CNTNAP2: variants seen among roughly 807,000 people sequenced by gnomAD.
CNTNAP2 encodes the protein contactin-associated protein-like 2.
A neutral mutation model predicts 155.2 loss-of-function variants in CNTNAP2; 98 were observed. The ratio of observed to expected loss-of-function variants is 0.63; its 90% confidence interval spans 0.54 to 0.75. The LOEUF is 0.75. Among genes scored for constraint, CNTNAP2 ranks in the 30% least tolerant of loss-of-function variants. The probability of loss-of-function intolerance (pLI) is 0.00; values close to 1 mark genes in which losing one functional copy is unlikely to be tolerated. For synonymous variants in CNTNAP2, 651 were observed against 631.2 expected, an observed-to-expected ratio of 1.03 and a Z score of -0.47; for missense variants, 1,727 against 1,688.1, an observed-to-expected ratio of 1.02 and a Z score of -0.40.
intron 3 of CNTNAP2, among the ~76,000 whole-genome samples, chr7:146,847,054 T>A (rs1191287925): frequency 6.6e-6 from 1 of 152,170 alleles, no homozygotes; most frequent in Admixed American, 6.5e-5. Context: ...TTGAACTCAA[T>A]GCTAATTTTT....
chr7:146,358,295 A>G (rs935723388), intron 1 of CNTNAP2, among the ~76,000 whole-genome samples: 1 of 152,042 alleles, frequency 6.6e-6, no homozygotes, highest in Non-Finnish European at 1.5e-5. Context: ...CAGCCTCCCA[A>G]AGTGCTGGGA....
intron 1 of CNTNAP2, among the ~76,000 whole-genome samples, chr7:146,383,359 A>C (rs1795417193): frequency 6.6e-6 from 1 of 152,196 alleles, no homozygotes; most frequent in Admixed American, 6.5e-5. Flanking sequence ...ACTGTATATC[A>C]CTTCACAAGC....
At chr7:146,514,092 C>A (rs1231602068) in intron 1 of CNTNAP2, among the ~76,000 whole-genome samples, 1 of 151,916 alleles carries the variant, frequency 6.6e-6, no homozygotes, top group East Asian at 1.9e-4. Flanking sequence ...ACTGAGAAAT[C>A]TGTTTTCAGA....
At position 148,308,742 on chromosome 7, in the gene CNTNAP2, A is replaced by G. The variant is rs967047784; in HGVS notation, c.3475+41616A>G. ...CCTCCCCTAGCCCTCCCACCCCCCA[A>G]TAGGCCCCGGTGTGTGATGTCCCCC... On this transcript the variant is annotated intron_variant, in intron 21 of 23. Transcript: ENST00000361727. 4.7e-5 allele frequency among the ~76,000 whole-genome samples: 7 copies of G among 147,556 alleles called. 1 individual carries two copies. Among genetic ancestry groups the G allele is most frequent in the Admixed American group, 1.4e-4 (2 of 14,802 alleles).
At chr7:147,206,156 C>G (rs538866370) in intron 8 of CNTNAP2, among the ~76,000 whole-genome samples, 18 of 151,940 alleles carry the variant, frequency 1.2e-4, no homozygotes, top group African/African-American at 4.1e-4. Context: ...AACTTCTTCT[C>G]AACTCATGCT....
At chr7:148,010,891 A>C (rs1802069518) in intron 15 of CNTNAP2, among the ~76,000 whole-genome samples, 1 of 152,070 alleles carries the variant, frequency 6.6e-6, no homozygotes, top group African/African-American at 2.4e-5. Flanking sequence ...TGTGCTAGTG[A>C]TACATCTTCA....
chr7:147,630,746 GAAAAAGCATTTGAC>G (rs1320021540), intron 12 of CNTNAP2, among the ~76,000 whole-genome samples: 1 of 152,136 alleles, frequency 6.6e-6, no homozygotes, highest in East Asian at 1.9e-4. Context: ...AATAGATGCA[GAAAAAGCATTTGAC>G]AAAGTCCAGC....
At chr7:147,281,806 T>C (rs1376695831) in intron 8 of CNTNAP2, among the ~76,000 whole-genome samples, 7 of 151,898 alleles carry the variant, frequency 4.6e-5, no homozygotes, top group Non-Finnish European at 2.9e-5. Flanking sequence ...CCTGATTCTT[T>C]AGATAATTGT....
At chr7:146,192,161 G>A (rs973353591) in intron 1 of CNTNAP2, among the ~76,000 whole-genome samples, 20 of 152,130 alleles carry the variant, frequency 1.3e-4, no homozygotes, top group Non-Finnish European at 2.2e-4. Flanking sequence ...GCTTCAGCCG[G>A]TCCCTCCGTT....
intron 10 of CNTNAP2, among the ~76,000 whole-genome samples, chr7:147,397,061 G>GT (rs1232392891): frequency 6.6e-6 from 1 of 151,978 alleles, no homozygotes; most frequent in Admixed American, 6.6e-5. Flanking sequence ...CGTGTGAATG[G>GT]TAAGTTACAG....
At chr7:148,144,528 C>A (rs1357687304) in intron 16 of CNTNAP2, among the ~76,000 whole-genome samples, 2 of 152,172 alleles carry the variant, frequency 1.3e-5, no homozygotes, top group Non-Finnish European at 2.9e-5. Flanking sequence ...CATCATCAGA[C>A]TGTGGCCATG....
intron 8 of CNTNAP2, among the ~76,000 whole-genome samples, chr7:147,213,569 CG>C (rs1803202480): frequency 7.0e-6 from 1 of 142,852 alleles, no homozygotes. Flanking sequence ...ATGCCCTCAT[CG>C]CAAAAAAAAA....
intron 4 of CNTNAP2, among the ~76,000 whole-genome samples, chr7:147,047,234 G>A (rs1412261353): frequency 1.4e-5 from 2 of 141,928 alleles, no homozygotes; most frequent in East Asian, 2.3e-4. Flanking sequence ...TCAGCCTCCC[G>A]AGTAGCTGGG....
chr7:146,884,502 A>T (rs553948116), intron 3 of CNTNAP2, among the ~76,000 whole-genome samples: 1 of 152,206 alleles, frequency 6.6e-6, no homozygotes, highest in African/African-American at 2.4e-5. Flanking sequence ...ACTGAGTGAG[A>T]TGTTTCCTAC....
At position 146,995,932 on chromosome 7, in the gene CNTNAP2, TAAAACAAAAC is replaced by T. The variant is rs538148386; in HGVS notation, c.403-47956_403-47947del. On this transcript the variant is annotated intron_variant, in intron 3 of 23. Coordinates refer to ENST00000361727, the MANE Select transcript of CNTNAP2 (RefSeq NM_014141.6). ...TTGTCTGTGTTTTTGGAGGCATATT[TAAAACAAAAC>T]AAAACAAAACAAAACAAACCTTGCC... is the stretch of plus-strand genomic sequence containing the variant. 5.9e-5 allele frequency among the ~76,000 whole-genome samples: 9 copies of T among 152,188 alleles called. No individual in the cohort carries two copies. In the East Asian group the frequency reaches 1.2e-3, roughly 20 times the overall value.
chr7:148,334,399 A>T (rs1334504511), intron 21 of CNTNAP2, among the ~76,000 whole-genome samples: 1 of 152,190 alleles, frequency 6.6e-6, no homozygotes, highest in Non-Finnish European at 1.5e-5. Flanking sequence ...AGTGATTAAG[A>T]CTTTGGAAAA....
intron 23 of CNTNAP2, 68 bp downstream of exon 23, chr7:148,409,539 A>G: frequency 7.2e-7 from 1 of 1,395,430 alleles, no homozygotes; most frequent in East Asian, 2.3e-5. Flanking sequence ...TGTCAATAAC[A>G]TAGTAGTCTA....
intron 1 of CNTNAP2, among the ~76,000 whole-genome samples, chr7:146,240,257 G>T (rs934207120): frequency 1.3e-5 from 2 of 152,014 alleles, no homozygotes; most frequent in Admixed American, 1.3e-4. Context: ...ACTTATAGTA[G>T]AATTTTATCT....
intron 11 of CNTNAP2, among the ~76,000 whole-genome samples, chr7:147,486,700 A>G (rs1415837423): frequency 6.6e-6 from 1 of 152,228 alleles, no homozygotes; most frequent in Non-Finnish European, 1.5e-5. Flanking sequence ...AAGGTTAAAT[A>G]AAAAATAAAT....
Sources: allele counts gnomAD v4.1 joint callset (sites outside exome capture counted in the v4.1 genomes callset), GRCh38; gene constraint gnomAD v4.1.1; transcripts MANE v1.5; gene names NCBI Gene and HGNC (gene_info 2026-07-23, HGNC 2026-07-21).